The following CLIP1 variants were observed in gnomAD, a reference collection of about 807,000 sequenced individuals.
The protein encoded by CLIP1 is CAP-Gly domain-containing linker protein 1.
In CLIP1, 66 loss-of-function variants were observed where a neutral mutation model predicts 161.6. The observed-to-expected ratio is 0.41, with a 90% CI of 0.33 to 0.50. CLIP1 has a LOEUF of 0.50. CLIP1 is among the 20% of genes least tolerant of loss of function. The pLI is 0.27. For missense variants in CLIP1, 1,376 were observed against 1,702.0 expected (o/e 0.81, Z 3.37); for synonymous variants, 598 against 626.2 (o/e 0.96, Z 0.67).
chr12:122,368,914 T>A (rs997207932), intron 3 of CLIP1, among the ~76,000 whole-genome samples: 14 of 150,684 alleles, frequency 9.3e-5, no homozygotes, highest in East Asian at 1.9e-4. Context: ...AAAAAAAAAA[T>A]AAAATAAAAT....
intron 15 of CLIP1, 75 bp from the exon 16 acceptor site, chr12:122,328,501 T>A: frequency 1.3e-6 from 1 of 775,026 alleles, no homozygotes; most frequent in East Asian, 3.2e-5. Flanking sequence ...TAAAATATAC[T>A]ATTAATAATT....
At chr12:122,345,209 C>G (rs1176007811) in intron 10 of CLIP1, among the ~76,000 whole-genome samples, 3 of 149,920 alleles carry the variant, frequency 2.0e-5, no homozygotes, top group East Asian at 1.9e-4. Context: ...GGGTCTTGCT[C>G]TATTGCCCAG....
intron 20 of CLIP1, among the ~76,000 whole-genome samples, chr12:122,293,756 G>A (rs1045663912): frequency 4.6e-5 from 7 of 151,410 alleles, no homozygotes; most frequent in Non-Finnish European, 1.0e-4. Flanking sequence ...GGGATTACAG[G>A]CGTGAGTTAC....
chr12:122,338,146 C>T (rs528052975), intron 11 of CLIP1, among the ~76,000 whole-genome samples: 19 of 148,494 alleles, frequency 1.3e-4, no homozygotes, highest in African/African-American at 4.0e-4. Context: ...AAGACCAGCC[C>T]GGCCAACGTG....
chr12:122,320,298 A>C (rs1001342566), intron 17 of CLIP1, among the ~76,000 whole-genome samples: 1 of 151,916 alleles, frequency 6.6e-6, no homozygotes, highest in Non-Finnish European at 1.5e-5. Context: ...TGTAAAAATA[A>C]CCATAAAAAT....
intron 1 of CLIP1, among the ~76,000 whole-genome samples, chr12:122,413,655 G>C (rs1047215907): frequency 1.3e-5 from 2 of 152,164 alleles, no homozygotes; most frequent in Non-Finnish European, 2.9e-5. Context: ...CCTGCAAAGA[G>C]GTGGATGAGA....
At chr12:122,349,811 A>C (rs1952933284) in intron 9 of CLIP1, among the ~76,000 whole-genome samples, 1 of 152,252 alleles carries the variant, frequency 6.6e-6, no homozygotes, top group Admixed American at 6.5e-5. Context: ...AGGAGAGAAG[A>C]GACCCAGATC....
chr12:122,377,818 A>C lies in CLIP1; in HGVS notation c.228T>G (p.Phe76Leu). 6.2e-7 allele frequency: 1 copy of C among 1,614,030 alleles called. No individual in the cohort carries two copies. The highest frequency in any genetic ancestry group is 8.5e-7 in the Non-Finnish European group (1 of 1,180,020). The change falls in exon 3 of 26, where the codon TTT (phenylalanine) becomes TTG (leucine). Residue 76 changes from phenylalanine to leucine, a missense_variant. Around this residue, in one of 6 missense-constraint regions of CLIP1, gnomAD observed 27 missense variants for 64.1 expected, o/e 0.42. Coordinates refer to ENST00000620786, the MANE Select transcript of CLIP1 (RefSeq NM_001247997.2). ...VNGNKPGFIQ[F>L]LGETQFAPGQ... Reference sequence around the variant, plus strand: ...CTGGTGCAAACTGGGTTTCTCCAAGAAACTGGATAAATCCAGGCTTATTTC... The same window carrying C: ...CTGGTGCAAACTGGGTTTCTCCAAGCAACTGGATAAATCCAGGCTTATTTC...
chr12:122,331,292 G>A (rs905061064), intron 15 of CLIP1, among the ~76,000 whole-genome samples: 17 of 151,654 alleles, frequency 1.1e-4, no homozygotes, highest in African/African-American at 3.9e-4. Flanking sequence ...GGAGATTACA[G>A]ACATGAGCTA....
chr12:122,355,191 G>A lies in CLIP1; in HGVS notation c.1127C>T (p.Ala376Val), dbSNP rs750993336. 7 of 1,614,036 alleles carry A rather than the reference G, an allele frequency of 4.3e-6. No homozygotes were observed. The highest frequency in any genetic ancestry group is 1.3e-5 in the African/African-American group (1 of 74,918). The change falls in exon 6 of 26, where the codon GCG becomes GTG. Residue 376 changes from alanine (A) to valine (V), a missense_variant. Coordinates refer to ENST00000620786, the MANE Select transcript of CLIP1 (RefSeq NM_001247997.2). The surrounding 1 kb of genome is among the most constrained non-coding windows in gnomAD (Gnocchi z 4.1). ...QLLAERDLER[A>V]EVAKATSHVG... ...GTGGCTCGTGGCCTTGGCCACCTCC[G>A]CCCTCTCCAGATCCCGTTCCGCCAG...
chr12:122,300,239 C>T (rs1220666953), intron 20 of CLIP1, among the ~76,000 whole-genome samples: 1 of 152,106 alleles, frequency 6.6e-6, no homozygotes, highest in East Asian at 1.9e-4. Context: ...CACTGTACTC[C>T]AGCCTGGGTG....
At chr12:122,410,651 G>T (rs796192493) in intron 1 of CLIP1, among the ~76,000 whole-genome samples, 7 of 151,734 alleles carry the variant, frequency 4.6e-5, no homozygotes, top group African/African-American at 1.7e-4. Flanking sequence ...TAGAGACAGG[G>T]TTTTGCCATG....
intron 1 of CLIP1, among the ~76,000 whole-genome samples, chr12:122,389,482 G>A (rs1955486963): frequency 6.6e-6 from 1 of 152,110 alleles, no homozygotes; most frequent in African/African-American, 2.4e-5. Flanking sequence ...TAAAGGGCCG[G>A]GTGCGGTGGC....
chr12:122,293,625 T>C (rs949725150), intron 20 of CLIP1, among the ~76,000 whole-genome samples: 7 of 147,266 alleles, frequency 4.8e-5, no homozygotes, highest in Non-Finnish European at 9.0e-5. Context: ...ATTATAGGCA[T>C]GTGCCACCAC....
At chr12:122,287,996 G>T (rs1955926082) in intron 21 of CLIP1, among the ~76,000 whole-genome samples, 1 of 151,658 alleles carries the variant, frequency 6.6e-6, no homozygotes, top group Admixed American at 6.6e-5. Flanking sequence ...AACTATTTTT[G>T]TTTTAGTAAT....
intron 20 of CLIP1, among the ~76,000 whole-genome samples, chr12:122,299,046 G>C (rs1044067456): frequency 4.0e-5 from 6 of 151,588 alleles, no homozygotes; most frequent in African/African-American, 1.5e-4. Flanking sequence ...GTTCTTCACA[G>C]AGAGTGCACG....
At chr12:122,390,134 C>A (rs1955531911) in intron 1 of CLIP1, among the ~76,000 whole-genome samples, 1 of 137,206 alleles carries the variant, frequency 7.3e-6, no homozygotes. Flanking sequence ...CAACTGTGAG[C>A]CAATTCAATC....
intron 17 of CLIP1, among the ~76,000 whole-genome samples, chr12:122,327,045 T>C (rs1276342068): frequency 1.3e-5 from 2 of 152,190 alleles, no homozygotes; most frequent in Non-Finnish European, 2.9e-5. Flanking sequence ...ACTAAACTCC[T>C]ATAAACACAT....
chr12:122,273,889 G>A (rs578215273), intron 25 of CLIP1, 149 bp downstream of exon 25: 16 of 575,392 alleles, frequency 2.8e-5, no homozygotes, highest in South Asian at 9.5e-5. Flanking sequence ...GCAACACTAC[G>A]CCTGGCTAAC....
Sources: allele counts gnomAD v4.1 joint callset (sites outside exome capture counted in the v4.1 genomes callset), GRCh38; gene constraint gnomAD v4.1.1; regional missense constraint gnomAD v4.1.1; non-coding constraint Gnocchi (gnomAD v3.1); transcripts MANE v1.5; gene names NCBI Gene and HGNC (gene_info 2026-07-23, HGNC 2026-07-21).